Variants in NLGN4Y observed in about 807,000 individuals in gnomAD.
The protein encoded by NLGN4Y is neuroligin 4 Y-linked.
In NLGN4Y, 4 loss-of-function variants were observed where a neutral mutation model predicts 8.4. The ratio of observed to expected loss-of-function variants is 0.48; its 90% CI spans 0.23 to 1.09. The LOEUF (loss-of-function observed/expected upper bound fraction) is 1.09, where lower values mean the gene tolerates loss of function less well. Ranked by LOEUF, NLGN4Y falls within the 50% of genes least tolerant of loss-of-function variation. The probability of loss-of-function intolerance (pLI) is 0.19; values close to 1 mark genes in which losing one functional copy is unlikely to be tolerated. For synonymous variants in NLGN4Y, 35 were observed against 75.6 expected, an observed-to-expected ratio of 0.46 and a Z score of 2.78; for missense variants, 90 against 192.3, an observed-to-expected ratio of 0.47 and a Z score of 3.15.
At chrY:14,647,948 C>A in intron 2 of NLGN4Y, among the ~76,000 whole-genome samples, 1 of 34,285 alleles carries the variant, frequency 2.9e-5, no homozygotes, top group African/African-American at 1.1e-4. Context: ...TTTCTTGCAT[C>A]CTGCTGGAAA....
chrY:14,758,383 G>A (rs1603503640), intron 4 of NLGN4Y, among the ~76,000 whole-genome samples: 1 of 33,694 alleles, frequency 3.0e-5, no homozygotes, highest in Non-Finnish European at 7.3e-5. Context: ...TTGCAAGACC[G>A]AATTTACTTT....
At chrY:14,718,747 G>A in intron 2 of NLGN4Y, among the ~76,000 whole-genome samples, 2 of 33,279 alleles carry the variant, frequency 6.0e-5, no homozygotes, top group Non-Finnish European at 1.5e-4. Flanking sequence ...AAACACAGAA[G>A]ACATAGTCTA....
intron 2 of NLGN4Y, among the ~76,000 whole-genome samples, chrY:14,704,453 G>C (rs990475980): frequency 9.1e-5 from 3 of 33,127 alleles, no homozygotes; most frequent in Admixed American, 2.8e-4. Context: ...TTTATATGCT[G>C]GATTACATTT....
chrY:14,611,995 A>AT (rs2080471167), intron 1 of NLGN4Y, among the ~76,000 whole-genome samples: 1 of 32,147 alleles, frequency 3.1e-5, no homozygotes, highest in Non-Finnish European at 7.6e-5. Flanking sequence ...CTTTTCATTC[A>AT]TTTTTTCTGT....
chrY:14,745,542 C>T lies in NLGN4Y; in HGVS notation c.685+22273C>T, dbSNP rs551526876. Among the ~76,000 whole-genome samples, 4 of 33,824 alleles carry T rather than the reference C, an allele frequency of 1.2e-4. No homozygotes were observed. The South Asian group carries it at 2.6e-3, about 22-fold the overall frequency. 90.7% of individuals were successfully genotyped at this position (33,824 alleles called of 37,273 possible). On this transcript the variant is annotated intron_variant, in intron 4 of 6. Transcript: ENST00000684976. ...CATGAAATTGTTTGCATGCTACTAG[C>T]TCTAGTGGGTAGATTGGTGGCATAT...
chrY:14,643,978 C>A (rs886363033), intron 2 of NLGN4Y, among the ~76,000 whole-genome samples: 3 of 33,098 alleles, frequency 9.1e-5, no homozygotes, highest in Non-Finnish European at 2.2e-4. Context: ...GGTTCTCAGG[C>A]TGGTGATAAA....
In NLGN4Y at chrY:14,791,537, G is replaced by A. The variant is rs1569375320; in HGVS notation, c.686-32651G>A. 9.1e-5 allele frequency among the ~76,000 whole-genome samples: 3 copies of A among 32,954 alleles called. No individual in the cohort carries two copies. The East Asian group carries it at 2.4e-3, about 26-fold the overall frequency. 88.4% of individuals were successfully genotyped at this position (32,954 alleles called of 37,273 possible). ...ACCTTTGACCATTGTCCCTAATAAC[G>A]AATATAATCCCTTGATCATAATATT... On this transcript the variant is annotated intron_variant, in intron 4 of 6. Coordinates refer to ENST00000684976, the MANE Select transcript of NLGN4Y (RefSeq NM_001365588.1).
At chrY:14,702,716 A>G in intron 2 of NLGN4Y, among the ~76,000 whole-genome samples, 1 of 33,222 alleles carries the variant, frequency 3.0e-5, no homozygotes, top group Non-Finnish European at 7.4e-5. Flanking sequence ...TTCTAGTTCT[A>G]GATCCCTGAG....
At chrY:14,774,380 G>T in intron 4 of NLGN4Y, among the ~76,000 whole-genome samples, 1 of 33,445 alleles carries the variant, frequency 3.0e-5, no homozygotes, top group African/African-American at 1.2e-4. Flanking sequence ...AAAAGAAGAC[G>T]TAAGTGCAGC....
chrY:14,574,649 A>T, intron 1 of NLGN4Y, among the ~76,000 whole-genome samples: 1 of 33,087 alleles, frequency 3.0e-5, no homozygotes, highest in Non-Finnish European at 7.4e-5. Context: ...TTAGCTGGTT[A>T]TTTTGCTCAT....
At chrY:14,805,148 C>T in intron 4 of NLGN4Y, among the ~76,000 whole-genome samples, 1 of 33,050 alleles carries the variant, frequency 3.0e-5, no homozygotes, top group Non-Finnish European at 7.4e-5. Context: ...CAGTACTGGA[C>T]CATAGCCTGG....
chrY:14,641,608 A>T, intron 2 of NLGN4Y, among the ~76,000 whole-genome samples: 1 of 33,874 alleles, frequency 3.0e-5, no homozygotes, highest in South Asian at 6.7e-4. Context: ...ATTAGTTACA[A>T]AGTCCCAGAA....
chrY:14,669,227 A>G, intron 2 of NLGN4Y, among the ~76,000 whole-genome samples: 1 of 33,747 alleles, frequency 3.0e-5, no homozygotes, highest in Non-Finnish European at 7.3e-5. Flanking sequence ...ACTATAGGTA[A>G]TAGTTTAAAA....
At chrY:14,782,229 G>A in intron 4 of NLGN4Y, among the ~76,000 whole-genome samples, 1 of 33,081 alleles carries the variant, frequency 3.0e-5, no homozygotes, top group African/African-American at 1.2e-4. Flanking sequence ...TGTCAAGTCA[G>A]GTTTAATGTC....
At chrY:14,736,064 C>G (rs2080990582) in intron 4 of NLGN4Y, among the ~76,000 whole-genome samples, 4 of 32,805 alleles carry the variant, frequency 1.2e-4, no homozygotes, top group African/African-American at 4.8e-4. Flanking sequence ...CACCAAGCAC[C>G]TGGAAAAGCC....
intron 1 of NLGN4Y, among the ~76,000 whole-genome samples, chrY:14,601,812 G>A (rs764425219): frequency 3.0e-5 from 1 of 33,014 alleles, no homozygotes; most frequent in African/African-American, 1.2e-4. Context: ...CCAGCTACTC[G>A]GGAGGCTGAG....
At chrY:14,714,935 A>G (rs2080911001) in intron 2 of NLGN4Y, among the ~76,000 whole-genome samples, 1 of 34,043 alleles carries the variant, frequency 2.9e-5, no homozygotes, top group Non-Finnish European at 7.3e-5. Context: ...TTTACAAGAA[A>G]AAAACAAGCT....
upstream of NLGN4Y, chrY:14,523,640 A>G: frequency 8.6e-6 from 1 of 116,607 alleles, no homozygotes. Context: ...TAAGAAAACC[A>G]CCACTGCCTG....
chrY:14,844,175 C>A lies in NLGN4Y; in HGVS notation c.*2913C>A. 1.2e-5 allele frequency: 1 copy of A among 86,093 alleles called. No individual in the cohort carries two copies. The highest frequency in any genetic ancestry group is 5.9e-5 in the South Asian group (1 of 16,877). The allele number at this position is 86,093 out of a possible 400,897, so 21.5% of individuals were successfully genotyped here. A position where few individuals can be genotyped will look rare whatever the true frequency, so the allele number is the denominator to read the frequency against. On this transcript the variant is annotated 3_prime_UTR_variant, in exon 7 of 7. Coordinates refer to ENST00000684976, the MANE Select transcript of NLGN4Y (RefSeq NM_001365588.1). Reference sequence around the variant, plus strand: ...CTGGCCTGATTTTGGAAAACCAAGCCCTGTTTGGTGAAGCTCCTGAGATGA... The same window carrying A: ...CTGGCCTGATTTTGGAAAACCAAGCACTGTTTGGTGAAGCTCCTGAGATGA...
Sources: gnomAD v4.1 joint callset for allele counts (sites outside exome capture counted in the v4.1 genomes callset) on GRCh38, gnomAD v4.1.1 for gene constraint, MANE v1.5 for transcripts, NCBI Gene and HGNC (gene_info 2026-07-23, HGNC 2026-07-21) for gene names.